GALNT13: variants seen among roughly 807,000 people sequenced by gnomAD.
GALNT13 encodes the protein UDP-GalNAc:polypeptide N-acetylgalactosaminyltransferase 13.
A neutral mutation model predicts 64.2 loss-of-function variants in GALNT13; 28 were observed. That is an observed-to-expected ratio of 0.44 (90% CI 0.32 to 0.60). The LOEUF (loss-of-function observed/expected upper bound fraction) is 0.60, where lower values mean the gene tolerates loss of function less well. Among genes scored for constraint, GALNT13 ranks in the 20% least tolerant of loss-of-function variants. The probability of loss-of-function intolerance (pLI) is 0.05; values close to 1 mark genes in which losing one functional copy is unlikely to be tolerated. For missense variants in GALNT13, 577 were observed against 669.8 expected (o/e 0.86, Z 1.53); for synonymous variants, 214 against 224.6 (o/e 0.95, Z 0.42).
intron 11 of GALNT13, among the ~76,000 whole-genome samples, chr2:154,417,223 A>G (rs922044833): frequency 6.6e-6 from 1 of 151,080 alleles, no homozygotes; most frequent in Non-Finnish European, 1.5e-5. Flanking sequence ...CCTTCCTTAA[A>G]TAATTAAGTG....
At chr2:153,369,232 A>G in the GALNT13 span, among the ~76,000 whole-genome samples, 1 of 152,114 alleles carries the variant, frequency 6.6e-6, no homozygotes, top group Non-Finnish European at 1.5e-5. Flanking sequence ...CTAAAATCAT[A>G]TATCAGCTTC....
At chr2:153,203,713 AG>A in the GALNT13 span, among the ~76,000 whole-genome samples, 1 of 152,196 alleles carries the variant, frequency 6.6e-6, no homozygotes, top group Non-Finnish European at 1.5e-5. Flanking sequence ...TTAAACCACA[AG>A]AAATCACTTA....
intron 3 of GALNT13, among the ~76,000 whole-genome samples, chr2:154,067,891 T>G (rs1700549736): frequency 6.6e-6 from 1 of 151,720 alleles, no homozygotes; most frequent in African/African-American, 2.4e-5. Flanking sequence ...TAAAATCTTC[T>G]GCACAGCAAA....
intron 3 of GALNT13, among the ~76,000 whole-genome samples, chr2:153,991,433 A>G (rs1416761326): frequency 6.6e-6 from 1 of 152,124 alleles, no homozygotes; most frequent in Non-Finnish European, 1.5e-5. Flanking sequence ...TGGAAGCAAG[A>G]TTTGGAAGAG....
the GALNT13 span, among the ~76,000 whole-genome samples, chr2:153,249,233 A>G: frequency 6.6e-6 from 1 of 151,830 alleles, no homozygotes; most frequent in Non-Finnish European, 1.5e-5. Context: ...CTATACACCA[A>G]TAATAGACAG....
the GALNT13 span, among the ~76,000 whole-genome samples, chr2:153,584,699 G>T: frequency 2.0e-5 from 3 of 152,282 alleles, no homozygotes; most frequent in South Asian, 6.2e-4. Context: ...AACAAGGATA[G>T]ATACACTTAA....
chr2:154,317,897 A>G (rs1559087414), intron 9 of GALNT13, among the ~76,000 whole-genome samples: 2 of 151,682 alleles, frequency 1.3e-5, no homozygotes, highest in African/African-American at 4.8e-5. Context: ...CAGGACATAG[A>G]CTCTTATTCA....
chr2:154,375,731 C>T (rs1697953197), intron 9 of GALNT13, among the ~76,000 whole-genome samples: 1 of 152,118 alleles, frequency 6.6e-6, no homozygotes, highest in Non-Finnish European at 1.5e-5. Flanking sequence ...AAACTGTGGT[C>T]TTTCTGATAC....
chr2:153,297,742 T>G, the GALNT13 span, among the ~76,000 whole-genome samples: 3,591 of 152,266 alleles, frequency 0.024, 149 homozygotes, highest in African/African-American at 0.082. Flanking sequence ...AGGACTAAAT[T>G]GTTGCAGTGC....
At chr2:153,747,422 GTTTTTTTTTTTT>G in the GALNT13 span, among the ~76,000 whole-genome samples, 1 of 93,750 alleles carries the variant, frequency 1.1e-5, no homozygotes, top group Admixed American at 1.1e-4. Context: ...AGTGCCTTTG[GTTTTTTTTTTTT>G]TTTTTTTTTT....
At chr2:153,272,864 C>A in the GALNT13 span, among the ~76,000 whole-genome samples, 3 of 152,156 alleles carry the variant, frequency 2.0e-5, no homozygotes, top group African/African-American at 7.2e-5. Flanking sequence ...TTGGAATCAA[C>A]CCAGATGCCC....
the GALNT13 span, among the ~76,000 whole-genome samples, chr2:153,246,850 G>A: frequency 3.3e-5 from 5 of 152,168 alleles, no homozygotes; most frequent in Non-Finnish European, 5.9e-5. Context: ...GACACATGCT[G>A]TTAAATTGGA....
chr2:154,356,494 A>T (rs1322834650), intron 9 of GALNT13, among the ~76,000 whole-genome samples: 1 of 151,844 alleles, frequency 6.6e-6, no homozygotes, highest in Non-Finnish European at 1.5e-5. Context: ...TATAGGGTGG[A>T]TGTCACAGAG....
At chr2:153,204,111 G>T in the GALNT13 span, among the ~76,000 whole-genome samples, 2 of 152,174 alleles carry the variant, frequency 1.3e-5, no homozygotes, top group Non-Finnish European at 2.9e-5. Context: ...ATACCAGTGT[G>T]TATAACTGTA....
intron 2 of GALNT13, among the ~76,000 whole-genome samples, chr2:153,934,926 C>T (rs1197658852): frequency 6.6e-6 from 1 of 152,124 alleles, no homozygotes; most frequent in African/African-American, 2.4e-5. Context: ...ATGATATCCA[C>T]TTTTGATCTT....
chr2:154,027,341 A>G (rs937514179), intron 3 of GALNT13, among the ~76,000 whole-genome samples: 1 of 152,278 alleles, frequency 6.6e-6, no homozygotes, highest in African/African-American at 2.4e-5. Context: ...AACAATATAG[A>G]AACATTGCTT....
At chr2:153,817,193 TG>T in the GALNT13 span, among the ~76,000 whole-genome samples, 1 of 152,290 alleles carries the variant, frequency 6.6e-6, no homozygotes, top group African/African-American at 2.4e-5. Context: ...TGAGTTTTCA[TG>T]GGATGTTCAT....
At chr2:153,574,826 G>C in the GALNT13 span, among the ~76,000 whole-genome samples, 1 of 151,360 alleles carries the variant, frequency 6.6e-6, no homozygotes, top group Non-Finnish European at 1.5e-5. Context: ...TGAAGCCTCT[G>C]TCTGAAGGAT....
the GALNT13 span, among the ~76,000 whole-genome samples, chr2:153,403,591 G>A: frequency 1.3e-4 from 20 of 152,196 alleles, no homozygotes; most frequent in African/African-American, 3.9e-4. Flanking sequence ...CTCCCTGGGC[G>A]TAGGACCCTC....
Sources: allele counts gnomAD v4.1 joint callset (sites outside exome capture counted in the v4.1 genomes callset), GRCh38; gene constraint gnomAD v4.1.1; transcripts MANE v1.5; gene names NCBI Gene and HGNC (gene_info 2026-07-23, HGNC 2026-07-21).